PCED1A: variants seen among roughly 807,000 people sequenced by gnomAD.
PCED1A encodes PC-esterase domain containing 1A, also known as PC-esterase domain-containing protein 1A.
Under a neutral mutation model 41.9 loss-of-function variants are expected in PCED1A, and 20 were observed. The ratio of observed to expected loss-of-function variants is 0.48; its 90% CI spans 0.34 to 0.69. PCED1A has a LOEUF of 0.69. Among genes scored for constraint, PCED1A ranks in the 30% least tolerant of loss-of-function variants. The probability of loss-of-function intolerance (pLI) is 0.01; values close to 1 mark genes in which losing one functional copy is unlikely to be tolerated. For synonymous variants in PCED1A, 236 were observed against 241.3 expected, an observed-to-expected ratio of 0.98 and a Z score of 0.20; for missense variants, 498 against 602.1, an observed-to-expected ratio of 0.83 and a Z score of 1.81.
chr20:2,840,882 C>T (rs114441777), upstream of PCED1A: 17,669 of 1,496,706 alleles, frequency 0.012, 255 homozygotes, highest in African/African-American at 0.058. Flanking sequence ...CGCCCGCCGG[C>T]TGGAGTCTCC....
intron 1 of PCED1A, 85 bp downstream of exon 1, chr20:2,840,126 G>A (rs1168161604): frequency 1.4e-5 from 7 of 499,864 alleles, no homozygotes; most frequent in East Asian, 7.3e-5. Context: ...AGGGCACTGG[G>A]GAGCTTCCCG....
chr20:2,840,964 C>T, upstream of PCED1A: 1 of 818,706 alleles, frequency 1.2e-6, no homozygotes, highest in Non-Finnish European at 1.9e-6. Context: ...GCGTCTGCCA[C>T]TTAGCGCACA....
At chr20:2,840,968 G>C, upstream of PCED1A, 1 of 775,328 alleles carries the variant, frequency 1.3e-6, no homozygotes, top group Non-Finnish European at 2.0e-6. Flanking sequence ...CTGCCACTTA[G>C]CGCACAGCCG....
In PCED1A at chr20:2,838,013, T is replaced by C. The variant is rs560016913; in HGVS notation, c.841+219A>G. ...ACAAGCTCCTTCAAGCACACAGAAA[T>C]GACTACACAGCCAGACTGTAGAAAA... On this transcript the variant is annotated intron_variant, in intron 6 of 7. Transcript: ENST00000360652. This position sits in a 1 kb window ranked among gnomAD's most constrained non-coding sequence, Gnocchi z 5.8. Among the ~76,000 whole-genome samples, 4 of 152,258 alleles carry C rather than the reference T, an allele frequency of 2.6e-5. No individual in the cohort carries two copies. The East Asian group carries it at 5.8e-4, about 22-fold the overall frequency.
chr20:2,835,794 T>C, intron 7 of PCED1A, 85 bp from the exon 8 acceptor site: 1 of 1,503,188 alleles, frequency 6.7e-7, no homozygotes, highest in Non-Finnish European at 8.9e-7. Flanking sequence ...GTCCTCCAGG[T>C]GAGCTTCTCT....
Position 2,838,171 on chromosome 20 carries a change from T to C in PCED1A, c.841+61A>G, listed in dbSNP as rs2088867309. 1 of 1,609,178 alleles carries C rather than the reference T, an allele frequency of 6.2e-7. No homozygotes were observed. On this transcript the variant is annotated intron_variant, in intron 6 of 7. Transcript: ENST00000360652. This position sits in a 1 kb window ranked among gnomAD's most constrained non-coding sequence, Gnocchi z 5.8. ...GAGTGGCTGTGTCCCATTCTGTTTCTGAGCCCTGTCCTCTGAGGGCCCCAG... is the reference window on the plus strand; with the variant it reads ...GAGTGGCTGTGTCCCATTCTGTTTCCGAGCCCTGTCCTCTGAGGGCCCCAG...
rs2088803065 is a variant in PCED1A at position 2,835,382 on chromosome 20, G to A, written c.*80C>T. 2 of 1,490,678 alleles carry A rather than the reference G, an allele frequency of 1.3e-6. No individual in the cohort carries two copies. The highest frequency in any genetic ancestry group is 2.4e-5 in the East Asian group (1 of 42,498). The allele number at this position is 1,490,678 out of a possible 1,614,324, so 92.3% of individuals were successfully genotyped here. On this transcript the variant is annotated 3_prime_UTR_variant, in exon 8 of 8. Transcript: ENST00000360652. Reference sequence around the variant, plus strand: ...GACAAGAACAATACCAGGCATAGCAGACACCCTAGCCCAGTACCTGAGGTG... The same window carrying A: ...GACAAGAACAATACCAGGCATAGCAAACACCCTAGCCCAGTACCTGAGGTG...
rs2274670 is a variant in PCED1A, at chr20:2,839,847, C to A, written c.66G>T (p.Gln22His). Residue 22 changes from glutamine (Q) to histidine (H), a missense_variant, in exon 2 of 8, where the codon CAG (glutamine) becomes CAT (histidine). Physicochemically the swap from Gln to His is conservative, Grantham distance 24. This residue lies in a region of PCED1A where 253 missense variants were observed against 369.7 expected (regional missense o/e 0.68). Transcript: ENST00000360652. ...RPLRSDMVHF[Q>H]ASEVQQLLHN... ...GTAGCAGCTGCTGGACTTCCGAGGC[C>A]TGGAAGTGGACCATGTCGCTTCGCA... 2.8e-3 allele frequency: 4,581 copies of A among 1,614,204 alleles called. 48 individuals carry two copies. The highest frequency in any genetic ancestry group is 0.023 in the South Asian group (2,140 of 91,082).
At chr20:2,840,691 AC>A, upstream of PCED1A, 4 of 1,455,608 alleles carry the variant, frequency 2.7e-6, no homozygotes, top group East Asian at 2.5e-5. Context: ...CGTGACCCGG[AC>A]GGGCGGAAGC....
chr20:2,840,969 C>A (rs1006910840), upstream of PCED1A: 7 of 773,200 alleles, frequency 9.1e-6, no homozygotes, highest in African/African-American at 1.8e-5. Flanking sequence ...TGCCACTTAG[C>A]GCACAGCCGC....
Position 2,836,262 on chromosome 20 carries a change from A to G in PCED1A, c.894T>C (p.His298=), listed in dbSNP as rs1219983191. ...AEMNHPFQGS[H]RQTPDFGEHL... is the part of the protein sequence containing the mutation. Reference sequence around the variant, plus strand: ...GCTCCCCGAAGTCTGGGGTCTGCCTATGGCTTCCCTGGAATGGATGATTCA... The same window carrying G: ...GCTCCCCGAAGTCTGGGGTCTGCCTGTGGCTTCCCTGGAATGGATGATTCA... The change falls in exon 7 of 8, where the codon CAT becomes CAC. Residue 298 remains histidine, a synonymous_variant. Transcript: ENST00000360652. The G allele has an allele frequency of 1.2e-6, 2 of 1,614,002 alleles. No homozygotes were observed. The highest frequency in any genetic ancestry group is 1.3e-5 in the African/African-American group (1 of 74,890).
rs555701105 is a variant in PCED1A at position 2,836,881 on chromosome 20, T to C, written c.842-567A>G. ...GTGCCCCTGCCCTCATCTCCTTTTG[T>C]TTCCGCCATAGCCCCTCTTTCCTGC... On this transcript the variant is annotated intron_variant, in intron 6 of 7. Transcript: ENST00000360652. 5.3e-5 allele frequency among the ~76,000 whole-genome samples: 8 copies of C among 152,344 alleles called. No homozygotes were observed. The South Asian group carries it at 1.7e-3, about 32-fold the overall frequency.
Position 2,836,226 on chromosome 20 carries a change from C to T in PCED1A, c.930G>A (p.Leu310=). The T allele has an allele frequency of 6.2e-7, 1 of 1,613,930 alleles. No individual in the cohort carries two copies. The highest frequency in any genetic ancestry group is 8.5e-7 in the Non-Finnish European group (1 of 1,179,922). ...QTPDFGEHLA[L]LPPPPSSLPP... ...GCAAAGAAGAAGGTGGGGGTGGGAG[C>T]AAGGCCAGGTGCTCCCCGAAGTCTG... Residue 310 remains leucine (L), a synonymous_variant, in exon 7 of 8, where the codon TTG becomes TTA. Coordinates refer to ENST00000360652, the MANE Select transcript of PCED1A (RefSeq NM_022760.6).
chr20:2,835,605 G>T lies in PCED1A; in HGVS notation c.1222C>A (p.Pro408Thr), dbSNP rs1459490736. ...HWGPVVHRGM[P>T]RYVPNSPYHV... is the part of the protein sequence containing the mutation. ...TAGGGGCTGTTAGGAACATAGCGTG[G>T]CATCCCCCGGTGGACCACTGGGCCC... Residue 408 changes from proline to threonine, a missense_variant, in exon 8 of 8, where the codon CCA becomes ACA. Coordinates refer to ENST00000360652, the MANE Select transcript of PCED1A (RefSeq NM_022760.6). The T allele has an allele frequency of 9.9e-6, 16 of 1,613,738 alleles. No individual in the cohort carries two copies. The highest frequency in any genetic ancestry group is 1.1e-5 in the Non-Finnish European group (13 of 1,179,682).
chr20:2,838,762 C>G lies in PCED1A; in HGVS notation c.444-16G>C, dbSNP rs1297479356. ...GCGACCATATCTGTTGGATAACACA[C>G]AGGGTGGGCAAGAGCACAAGGGTGG... On this transcript the variant is annotated splice_polypyrimidine_tract_variant and intron_variant, in intron 4 of 7. Coordinates refer to ENST00000360652, the MANE Select transcript of PCED1A (RefSeq NM_022760.6). This position sits in a 1 kb window ranked among gnomAD's most constrained non-coding sequence, Gnocchi z 5.8. 1.9e-6 allele frequency: 3 copies of G among 1,614,072 alleles called. No individual in the cohort carries two copies. The highest frequency in any genetic ancestry group is 1.7e-5 in the Admixed American group (1 of 60,000).
chr20:2,837,715 G>C (rs939663212), intron 6 of PCED1A, among the ~76,000 whole-genome samples: 1 of 152,170 alleles, frequency 6.6e-6, no homozygotes, highest in South Asian at 2.1e-4. Flanking sequence ...CAGTCACAGT[G>C]GGACTCTGAG....
At position 2,839,085 on chromosome 20, in the gene PCED1A, A is replaced by ATGGCCCCCC; in HGVS notation, c.205-4_205-3insGGGGGGCCA. 5 of 491,486 alleles carry ATGGCCCCCC rather than the reference A, an allele frequency of 1.0e-5. No homozygotes were observed. Among genetic ancestry groups the ATGGCCCCCC allele is most frequent in the African/African-American group, 4.4e-5 (1 of 22,916 alleles). 30.4% of individuals were successfully genotyped at this position (491,486 alleles called of 1,614,324 possible). A position where few individuals can be genotyped will look rare whatever the true frequency, so the allele number is the denominator to read the frequency against. ...TCCTGTTCAAAGCTCAGCTCCCCCT[A>ATGGCCCCCC]CCCACCCCCCCCACCCTACTGGTCA... On this transcript the variant is annotated splice_region_variant and splice_polypyrimidine_tract_variant and intron_variant, in intron 3 of 7. Transcript: ENST00000360652.
Position 2,840,518 on chromosome 20 carries a change from T to C in PCED1A, c.-329A>G. On this transcript the variant is annotated 5_prime_UTR_variant, in exon 1 of 8. Transcript: ENST00000360652. ...ATGTCCCGCCCTGAGCGACCCCCAG[T>C]GCCCGAAGGGAAAGCAAGGCGATGG... 1 of 555,298 alleles carries C rather than the reference T, an allele frequency of 1.8e-6. No individual in the cohort carries two copies. The highest frequency in any genetic ancestry group is 3.2e-6 in the Non-Finnish European group (1 of 314,384). The allele number at this position is 555,298 out of a possible 1,614,324, so 34.4% of individuals were successfully genotyped here.
Position 2,838,132 on chromosome 20 carries a change from C to T in PCED1A, c.841+100G>A. The stretch of plus-strand genomic sequence containing the variant: ...GAAGCCACAGGAGTCCTTCAAGGGA[C>T]CTCTACTTCCCTTGAGTGGCTGTGT... On this transcript the variant is annotated intron_variant, in intron 6 of 7. Transcript: ENST00000360652. The surrounding 1 kb of genome is among the most constrained non-coding windows in gnomAD (Gnocchi z 5.8). 3.2e-6 allele frequency: 5 copies of T among 1,551,970 alleles called. No individual in the cohort carries two copies. In the South Asian group the frequency reaches 5.9e-5, roughly 18 times the overall value.
Sources: gnomAD v4.1 joint callset for allele counts (sites outside exome capture counted in the v4.1 genomes callset) on GRCh38, gnomAD v4.1.1 for gene constraint, gnomAD v4.1.1 regional missense constraint, Gnocchi (gnomAD v3.1) non-coding constraint, MANE v1.5 for transcripts, NCBI Gene and HGNC (gene_info 2026-07-23, HGNC 2026-07-21) for gene names.